LDLRAD4: variants seen among roughly 807,000 people sequenced by gnomAD.
LDLRAD4 encodes the protein low density lipoprotein receptor class A domain containing 4.
Under a neutral mutation model 17.0 loss-of-function variants are expected in LDLRAD4, and 5 were observed. That is an observed-to-expected ratio of 0.29 (90% CI 0.15 to 0.62). The LOEUF (loss-of-function observed/expected upper bound fraction) is 0.62, where lower values mean the gene tolerates loss of function less well. LDLRAD4 is among the 20% of genes least tolerant of loss of function. The pLI is 0.84. For synonymous variants in LDLRAD4, 168 were observed against 171.8 expected (o/e 0.98, Z 0.17); for missense variants, 340 against 424.7 (o/e 0.80, Z 1.75).
intron 3 of LDLRAD4, among the ~76,000 whole-genome samples, chr18:13,533,611 A>G (rs938529877): frequency 5.3e-5 from 8 of 152,166 alleles, no homozygotes; most frequent in Non-Finnish European, 4.4e-5. Flanking sequence ...ATTACCATGG[A>G]TGTTTTGGAA....
At chr18:13,370,713 GT>G (rs781268070) in intron 1 of LDLRAD4, among the ~76,000 whole-genome samples, 1,088 of 17,234 alleles carry the variant, frequency 0.063, 49 homozygotes, top group Admixed American at 0.35. Context: ...TTTTTGTTTT[GT>G]TTTTTTTTTT....
intron 1 of LDLRAD4, among the ~76,000 whole-genome samples, chr18:13,343,064 A>G (rs2082467773): frequency 6.6e-6 from 1 of 151,988 alleles, no homozygotes; most frequent in African/African-American, 2.4e-5. Flanking sequence ...AATTTCCTAA[A>G]TCTATTGTTT....
Position 13,635,968 on chromosome 18 carries a change from T to TGTGTGTGTGTGTGA in LDLRAD4, c.337-7390_337-7389insTGTGTGTGTGTGAG, listed in dbSNP as rs1344178358. On this transcript the variant is annotated intron_variant, in intron 4 of 5. Coordinates refer to ENST00000359446, the Ensembl canonical transcript of LDLRAD4. ...GTGTGTGTGTGTGTGTGTGTGTGTG[T>TGTGTGTGTGTGTGA]GATTGTGCCTTCTGTGGATATCGGC... Among the ~76,000 whole-genome samples, 1,257 of 147,928 alleles carry TGTGTGTGTGTGTGA rather than the reference T, an allele frequency of 8.5e-3. 23 individuals carry two copies. The highest frequency in any genetic ancestry group is 0.028 in the African/African-American group (1,158 of 40,654).
chr18:13,332,762 T>A (rs958728699), intron 1 of LDLRAD4, among the ~76,000 whole-genome samples: 1 of 150,566 alleles, frequency 6.6e-6, no homozygotes, highest in Admixed American at 6.6e-5. Flanking sequence ...TTTTTGGTGG[T>A]GAATAACATT....
exon 6 of LDLRAD4, chr18:13,649,926 CAATTG>C: frequency 2.5e-6 from 1 of 397,422 alleles, no homozygotes; most frequent in South Asian, 1.4e-4. Flanking sequence ...GGTGAAAGGA[CAATTG>C]AATGACAGGT....
At chr18:13,258,105 T>A (rs1312324261) in intron 1 of LDLRAD4, among the ~76,000 whole-genome samples, 6 of 152,234 alleles carry the variant, frequency 3.9e-5, no homozygotes, top group Non-Finnish European at 2.9e-5. Context: ...TGAAAACATG[T>A]TAGATCTCCA....
intron 1 of LDLRAD4, among the ~76,000 whole-genome samples, chr18:13,257,337 C>T (rs950385738): frequency 6.6e-5 from 10 of 152,336 alleles, no homozygotes; most frequent in African/African-American, 1.4e-4. Flanking sequence ...TGTGAGATTT[C>T]GCCATTCTTT....
At chr18:13,488,324 C>T (rs149784497) in intron 3 of LDLRAD4, 94 of 152,504 alleles carry the variant, frequency 6.2e-4, no homozygotes, top group African/African-American at 2.2e-3. Context: ...TGGGCCCTCG[C>T]ATCCCACTGC....
At chr18:13,375,104 A>T (rs1274122611) in intron 1 of LDLRAD4, among the ~76,000 whole-genome samples, 1 of 152,190 alleles carries the variant, frequency 6.6e-6, no homozygotes, top group African/African-American at 2.4e-5. Context: ...TGGAGCAGCT[A>T]GACTGCTTTT....
intron 2 of LDLRAD4, among the ~76,000 whole-genome samples, chr18:13,428,876 A>G (rs1178208859): frequency 1.3e-5 from 2 of 152,136 alleles, no homozygotes; most frequent in Non-Finnish European, 2.9e-5. Flanking sequence ...GTAAGCTGAG[A>G]TGTCTATTAT....
chr18:13,316,369 A>C (rs1377391965), intron 1 of LDLRAD4, among the ~76,000 whole-genome samples: 6 of 152,238 alleles, frequency 3.9e-5, no homozygotes, highest in African/African-American at 1.4e-4. Flanking sequence ...AATTCTATTC[A>C]AAAATGAAGG....
At chr18:13,646,748 C>T (rs2043030092) in exon 6 of LDLRAD4, 1 of 152,594 alleles carries the variant, frequency 6.6e-6, no homozygotes, top group African/African-American at 2.4e-5. Flanking sequence ...GGTTATTCTG[C>T]ATACTGTTGA....
chr18:13,595,138 C>G (rs367911240), intron 3 of LDLRAD4, among the ~76,000 whole-genome samples: 1 of 151,916 alleles, frequency 6.6e-6, no homozygotes, highest in African/African-American at 2.4e-5. Flanking sequence ...CTATGTCAGT[C>G]TACTAAAGAT....
At chr18:13,371,657 T>C (rs1305455755) in intron 1 of LDLRAD4, among the ~76,000 whole-genome samples, 4 of 151,732 alleles carry the variant, frequency 2.6e-5, no homozygotes, top group Admixed American at 2.6e-4. Context: ...CCCAGTGACT[T>C]GGGAGGCTGA....
At chr18:13,499,847 A>G (rs1600866400) in intron 3 of LDLRAD4, among the ~76,000 whole-genome samples, 1 of 151,262 alleles carries the variant, frequency 6.6e-6, no homozygotes, top group East Asian at 1.9e-4. Flanking sequence ...TGCTGTGAAA[A>G]CCTCCACGCT....
At chr18:13,638,964 A>C (rs1361723542) in intron 4 of LDLRAD4, among the ~76,000 whole-genome samples, 3 of 152,204 alleles carry the variant, frequency 2.0e-5, no homozygotes, top group Admixed American at 6.5e-5. Context: ...GTCATTAATG[A>C]ACAGCTGGGT....
intron 4 of LDLRAD4, among the ~76,000 whole-genome samples, chr18:13,626,797 C>T (rs2041211609): frequency 6.6e-6 from 1 of 152,232 alleles, no homozygotes; most frequent in African/African-American, 2.4e-5. Flanking sequence ...GGAGGACAAG[C>T]ACTTGGTGGC....
intron 2 of LDLRAD4, among the ~76,000 whole-genome samples, chr18:13,409,182 T>G (rs1223655578): frequency 6.6e-6 from 1 of 152,182 alleles, no homozygotes; most frequent in African/African-American, 2.4e-5. Flanking sequence ...TTGTTTGTTT[T>G]TTCACTAGGG....
At chr18:13,531,010 T>G (rs1287827672) in intron 3 of LDLRAD4, among the ~76,000 whole-genome samples, 2 of 152,212 alleles carry the variant, frequency 1.3e-5, no homozygotes, top group African/African-American at 4.8e-5. Flanking sequence ...GTGGTTCTCC[T>G]TCGTTTCATC....
Sources: gnomAD v4.1 joint callset for allele counts (sites outside exome capture counted in the v4.1 genomes callset) on GRCh38, gnomAD v4.1.1 for gene constraint, MANE v1.5 for transcripts, NCBI Gene and HGNC (gene_info 2026-07-23, HGNC 2026-07-21) for gene names.